Variants in KLF13 observed in about 807,000 individuals in gnomAD.
The protein encoded by KLF13 is Krueppel-like factor 13.
A neutral mutation model predicts 16.7 loss-of-function variants in KLF13; 8 were observed. That is an observed-to-expected ratio of 0.48 (90% CI 0.28 to 0.87). The LOEUF (loss-of-function observed/expected upper bound fraction) is 0.87, where lower values mean the gene tolerates loss of function less well. Ranked by LOEUF, KLF13 falls within the 40% of genes least tolerant of loss-of-function variation. KLF13 has a pLI of 0.10. For synonymous variants in KLF13, 245 were observed against 208.4 expected (o/e 1.18, Z -1.51); for missense variants, 447 against 452.2 (o/e 0.99, Z 0.10).
At chr15:31,404,590 A>G (rs2040088664) in exon 3 of KLF13, 1 of 152,268 alleles carries the variant, frequency 6.6e-6, no homozygotes, top group Admixed American at 6.5e-5. Flanking sequence ...AAATGGACCA[A>G]TCAGCAGGAC....
At chr15:31,383,993 G>A (rs113663569) in intron 1 of KLF13, among the ~76,000 whole-genome samples, 316 of 152,328 alleles carry the variant, frequency 2.1e-3, no homozygotes, top group African/African-American at 7.1e-3. Context: ...TTAATTCAAT[G>A]AACCACATAA....
intron 1 of KLF13, among the ~76,000 whole-genome samples, chr15:31,328,065 A>G (rs908264947): frequency 7.2e-6 from 1 of 138,488 alleles, no homozygotes; most frequent in African/African-American, 2.7e-5. Flanking sequence ...GCGGGGGCGG[A>G]TATAGTCATC....
At chr15:31,336,771 A>G (rs568254282) in intron 1 of KLF13, among the ~76,000 whole-genome samples, 1 of 152,236 alleles carries the variant, frequency 6.6e-6, no homozygotes, top group African/African-American at 2.4e-5. Flanking sequence ...CCAGCAGGTC[A>G]TTGGTCTCGG....
chr15:31,339,280 C>T (rs1004421263), intron 1 of KLF13, among the ~76,000 whole-genome samples: 3 of 151,936 alleles, frequency 2.0e-5, no homozygotes, highest in Non-Finnish European at 4.4e-5. Context: ...GCAAGAATGA[C>T]TAAGATACCA....
At chr15:31,328,048 T>C (rs1257415512) in intron 1 of KLF13, among the ~76,000 whole-genome samples, 1 of 134,880 alleles carries the variant, frequency 7.4e-6, no homozygotes, top group Non-Finnish European at 1.6e-5. Flanking sequence ...CGCGCTCGGG[T>C]GGGGCCGCGG....
At chr15:31,401,008 A>AT (rs11377617) in intron 2 of KLF13, among the ~76,000 whole-genome samples, 35,808 of 147,698 alleles carry the variant, frequency 0.24, 4,503 homozygotes, top group East Asian at 0.43. Context: ...TAAATAAACA[A>AT]TTTTTTTTTT....
chr15:31,417,704 G>T (rs1405216426), intron 1 of KLF13, among the ~76,000 whole-genome samples: 1 of 151,700 alleles, frequency 6.6e-6, no homozygotes, highest in Admixed American at 6.6e-5. Flanking sequence ...ACCATGCTTT[G>T]CTAATTTTTG....
intron 1 of KLF13, among the ~76,000 whole-genome samples, chr15:31,384,694 C>G (rs2039773021): frequency 6.6e-6 from 1 of 152,138 alleles, no homozygotes; most frequent in Non-Finnish European, 1.5e-5. Context: ...GGACATACCC[C>G]AAATGCCCTC....
chr15:31,432,863 C>G (rs751255669), intron 1 of KLF13, among the ~76,000 whole-genome samples: 1 of 151,960 alleles, frequency 6.6e-6, no homozygotes, highest in Non-Finnish European at 1.5e-5. Flanking sequence ...GCCTGTAATC[C>G]CAACACTTTG....
At chr15:31,335,903 A>C (rs1209270109) in intron 1 of KLF13, among the ~76,000 whole-genome samples, 3 of 152,256 alleles carry the variant, frequency 2.0e-5, no homozygotes, top group Non-Finnish European at 4.4e-5. Flanking sequence ...GGCCCAGAGC[A>C]AAAATCGCTT....
chr15:31,427,466 G>A (rs2040413581), intron 1 of KLF13, among the ~76,000 whole-genome samples: 1 of 152,158 alleles, frequency 6.6e-6, no homozygotes, highest in Non-Finnish European at 1.5e-5. Flanking sequence ...TGACTTCTGA[G>A]TATAGATTCA....
intron 1 of KLF13, among the ~76,000 whole-genome samples, chr15:31,383,559 C>T (rs2039754242): frequency 6.6e-6 from 1 of 152,162 alleles, no homozygotes; most frequent in South Asian, 2.1e-4. Context: ...CTTGTGAATG[C>T]AGCGAATGTC....
intron 1 of KLF13, among the ~76,000 whole-genome samples, chr15:31,421,167 G>C (rs1008451174): frequency 1.0e-5 from 1 of 100,216 alleles, no homozygotes; most frequent in Non-Finnish European, 2.4e-5. Flanking sequence ...ATACATTTTG[G>C]TTATTAAAAA....
intron 1 of KLF13, among the ~76,000 whole-genome samples, chr15:31,428,648 A>T (rs2040427853): frequency 6.6e-6 from 1 of 151,986 alleles, no homozygotes; most frequent in African/African-American, 2.4e-5. Context: ...CTACTAAAAA[A>T]TACAGAAAAA....
At chr15:31,386,542 A>G (rs1392807259) in intron 1 of KLF13, among the ~76,000 whole-genome samples, 2 of 152,234 alleles carry the variant, frequency 1.3e-5, no homozygotes, top group Admixed American at 1.3e-4. Flanking sequence ...TCTCCACAAC[A>G]TAAAAGTGCA....
intron 1 of KLF13, among the ~76,000 whole-genome samples, chr15:31,432,751 G>A (rs571986892): frequency 6.6e-6 from 1 of 152,190 alleles, no homozygotes; most frequent in South Asian, 2.1e-4. Context: ...CACCTGGCCT[G>A]GTCATTTCCA....
intron 1 of KLF13, among the ~76,000 whole-genome samples, chr15:31,411,052 A>G (rs1462526346): frequency 1.3e-5 from 2 of 152,260 alleles, no homozygotes; most frequent in Non-Finnish European, 2.9e-5. Context: ...AGAGAATGCC[A>G]TGCCCAGAAG....
intron 1 of KLF13, among the ~76,000 whole-genome samples, chr15:31,363,303 G>A (rs1470140880): frequency 6.6e-6 from 1 of 152,180 alleles, no homozygotes; most frequent in African/African-American, 2.4e-5. Flanking sequence ...AATGGGCTTT[G>A]CCCATTTTTC....
chr15:31,372,212 C>T lies in KLF13; in HGVS notation c.780C>T (p.Arg260=), dbSNP rs1335844740. ...TCCACCCGGGAATGCTGCAGCGGCG[C>T]GGCGGGGGCTCGCGGACCGGCTCCC... ...ANFHPGMLQR[R]GGGSRTGSLS... is the part of the protein sequence containing the mutation. Residue 260 remains arginine (R), a synonymous_variant, in exon 2 of 2, where the codon CGC becomes CGT. Coordinates refer to ENST00000307145, the MANE Select transcript of KLF13 (RefSeq NM_015995.4). 1.7e-5 allele frequency: 28 copies of T among 1,602,660 alleles called. No individual in the cohort carries two copies. The Middle Eastern group carries it at 1.0e-3, about 57-fold the overall frequency.
Sources: allele counts gnomAD v4.1 joint callset (sites outside exome capture counted in the v4.1 genomes callset), GRCh38; gene constraint gnomAD v4.1.1; transcripts MANE v1.5; gene names NCBI Gene and HGNC (gene_info 2026-07-23, HGNC 2026-07-21).